The following GPR55 variants were observed in gnomAD, a reference collection of about 807,000 sequenced individuals.
GPR55 encodes the protein G-protein coupled receptor 55.
Under a neutral mutation model 7.9 loss-of-function variants are expected in GPR55, and 6 were observed. The ratio of observed to expected loss-of-function variants is 0.76; its 90% CI spans 0.41 to 1.49. GPR55 has a LOEUF of 1.49. GPR55 is among the 40% of genes most tolerant of loss of function. GPR55 has a pLI of 0.01. For missense variants in GPR55, 376 were observed against 406.0 expected (o/e 0.93, Z 0.63); for synonymous variants, 183 against 166.8 (o/e 1.10, Z -0.75).
intron 1 of GPR55, among the ~76,000 whole-genome samples, chr2:230,957,327 G>A (rs1691506679): frequency 6.6e-6 from 1 of 152,212 alleles, no homozygotes; most frequent in Admixed American, 6.5e-5. Context: ...TAAAATAAGG[G>A]TTCCTTGAAC....
At chr2:230,937,673 T>C (rs1691153737) in intron 1 of GPR55, among the ~76,000 whole-genome samples, 1 of 152,052 alleles carries the variant, frequency 6.6e-6, no homozygotes, top group Non-Finnish European at 1.5e-5. Flanking sequence ...TTGTGATTAT[T>C]TGTTTTGTAG....
intron 1 of GPR55, among the ~76,000 whole-genome samples, chr2:230,914,001 G>A (rs1690654596): frequency 6.6e-6 from 1 of 152,210 alleles, no homozygotes; most frequent in Non-Finnish European, 1.5e-5. Context: ...TTAAGAAAAA[G>A]GAGCCACCAA....
Position 230,910,807 on chromosome 2 carries a change from C to T in GPR55, c.156G>A (p.Arg52=). The T allele has an allele frequency of 1.2e-6, 2 of 1,613,130 alleles. No homozygotes were observed. Among genetic ancestry groups the T allele is most frequent in the Non-Finnish European group, 1.7e-6 (2 of 1,179,680 alleles). The part of the protein sequence containing the change: ...IHGFSTFLKN[R]WPDYAATSIY... ...TGGAGGTGGCAGCATAATCGGGCCA[C>T]CTGTTCTTAAGGAAGGTGCTGAAGC... Residue 52 remains arginine, a synonymous_variant, in exon 2 of 2, where the codon AGG becomes AGA. Coordinates refer to ENST00000650999, the MANE Select transcript of GPR55 (RefSeq NM_005683.4). This position sits in a 1 kb window ranked among gnomAD's most constrained non-coding sequence, Gnocchi z 5.4.
At chr2:230,939,893 T>G (rs115079613) in intron 1 of GPR55, among the ~76,000 whole-genome samples, 1 of 151,862 alleles carries the variant, frequency 6.6e-6, no homozygotes, top group Non-Finnish European at 1.5e-5. Flanking sequence ...GGAGAGACAG[T>G]CACAGGCTGA....
At chr2:230,959,667 AT>A (rs35915113) in intron 1 of GPR55, among the ~76,000 whole-genome samples, 103,565 of 150,616 alleles carry the variant, frequency 0.69, 35,958 homozygotes, top group East Asian at 0.95. Context: ...GCACTGCATT[AT>A]TTTTTTTTTT....
intron 1 of GPR55, among the ~76,000 whole-genome samples, chr2:230,939,664 C>T (rs1450448492): frequency 6.6e-6 from 1 of 152,148 alleles, no homozygotes; most frequent in South Asian, 2.1e-4. Context: ...ATAACAGGGC[C>T]GTGTCCATGT....
rs754739279 is a variant in GPR55 at position 230,923,945 on chromosome 2, C to T, written c.-135+1223G>A. Among the ~76,000 whole-genome samples, 1 of 152,030 alleles carries T rather than the reference C, an allele frequency of 6.6e-6. No individual in the cohort carries two copies. Among genetic ancestry groups the T allele is most frequent in the Non-Finnish European group, 1.5e-5 (1 of 68,010 alleles). ...TCATGCTCCTCTTTCTCCTTGGACT[C>T]TCTCCTCCACTGCTAAAAATCCCAC... On this transcript the variant is annotated intron_variant, in intron 1 of 1. Transcript: ENST00000650999. The surrounding 1 kb of genome is among the most constrained non-coding windows in gnomAD (Gnocchi z 4.1).
intron 1 of GPR55, among the ~76,000 whole-genome samples, chr2:230,931,051 C>T (rs1691030702): frequency 2.0e-5 from 3 of 152,180 alleles, no homozygotes; most frequent in Non-Finnish European, 2.9e-5. Flanking sequence ...GGGAACTGTG[C>T]CAGCACTCAC....
At chr2:230,915,513 T>C (rs1469811647) in intron 1 of GPR55, among the ~76,000 whole-genome samples, 1 of 151,514 alleles carries the variant, frequency 6.6e-6, no homozygotes, top group Non-Finnish European at 1.5e-5. Context: ...GTGAATGGAG[T>C]GAAAGGACCC....
intron 1 of GPR55, among the ~76,000 whole-genome samples, chr2:230,912,468 C>A (rs1003753766): frequency 6.6e-6 from 1 of 152,118 alleles, no homozygotes; most frequent in African/African-American, 2.4e-5. Context: ...CTCACTCTGT[C>A]ACCCAGGCTG....
chr2:230,955,973 C>G (rs1196845989), intron 1 of GPR55, among the ~76,000 whole-genome samples: 2 of 152,092 alleles, frequency 1.3e-5, no homozygotes, highest in African/African-American at 4.8e-5. Flanking sequence ...GTGATCCTCC[C>G]TCCTCAGCCT....
chr2:230,933,948 T>G (rs1479330162), intron 1 of GPR55, among the ~76,000 whole-genome samples: 4 of 152,194 alleles, frequency 2.6e-5, no homozygotes, highest in Non-Finnish European at 2.9e-5. Flanking sequence ...AGGCCACATC[T>G]GCAGTCACCC....
chr2:230,958,558 C>T (rs1691526037), intron 1 of GPR55, among the ~76,000 whole-genome samples: 2 of 152,214 alleles, frequency 1.3e-5, no homozygotes, highest in South Asian at 4.1e-4. Flanking sequence ...CCTGCAACCA[C>T]CACCACTCCC....
intron 1 of GPR55, among the ~76,000 whole-genome samples, chr2:230,945,443 G>C (rs567225893): frequency 6.6e-6 from 1 of 152,164 alleles, no homozygotes; most frequent in African/African-American, 2.4e-5. Flanking sequence ...GGGGTGACTT[G>C]GAAAGAATGC....
At chr2:230,916,365 A>G (rs999668147) in intron 1 of GPR55, among the ~76,000 whole-genome samples, 10 of 150,908 alleles carry the variant, frequency 6.6e-5, no homozygotes, top group African/African-American at 2.4e-4. Context: ...CTACCAAAAA[A>G]AAAACTTAAT....
intron 1 of GPR55, chr2:230,957,984 T>C (rs1250338134): frequency 2.4e-5 from 10 of 422,300 alleles, no homozygotes; most frequent in South Asian, 1.8e-4. Flanking sequence ...TCAGACTCCC[T>C]GAAGTCAGTG....
At chr2:230,951,755 G>GTTTTT (rs1691407003) in intron 1 of GPR55, among the ~76,000 whole-genome samples, 1 of 148,130 alleles carries the variant, frequency 6.8e-6, no homozygotes. Context: ...TTGTTATTGG[G>GTTTTT]GTTTTTTTTT....
chr2:230,952,596 C>T (rs1691420457), intron 1 of GPR55, among the ~76,000 whole-genome samples: 1 of 152,210 alleles, frequency 6.6e-6, no homozygotes, highest in Non-Finnish European at 1.5e-5. Flanking sequence ...TCCAGGAGTC[C>T]TATAGAGAAC....
At chr2:230,936,050 G>GGGAAGAGAATATTAAAGA (rs1327856480) in intron 1 of GPR55, among the ~76,000 whole-genome samples, 2 of 152,160 alleles carry the variant, frequency 1.3e-5, no homozygotes, top group African/African-American at 4.8e-5. Flanking sequence ...GTGAACTGTG[G>GGGAAGAGAATATTAAAGA]GGAAGAGAAT....
Sources: allele counts gnomAD v4.1 joint callset (sites outside exome capture counted in the v4.1 genomes callset), GRCh38; gene constraint gnomAD v4.1.1; non-coding constraint Gnocchi (gnomAD v3.1); transcripts MANE v1.5; gene names NCBI Gene and HGNC (gene_info 2026-07-23, HGNC 2026-07-21).